DCDC1: variants seen among roughly 807,000 people sequenced by gnomAD.
DCDC1 encodes doublecortin domain containing 1.
A neutral mutation model predicts 178.3 loss-of-function variants in DCDC1; 200 were observed. That is an observed-to-expected ratio of 1.12 (90% CI 1.00 to 1.26). The LOEUF (loss-of-function observed/expected upper bound fraction) is 1.26, where lower values mean the gene tolerates loss of function less well. Ranked by LOEUF, DCDC1 falls within the 50% of genes most tolerant of loss-of-function variation. The pLI is 0.00. For synonymous variants in DCDC1, 690 were observed against 604.8 expected (o/e 1.14, Z -2.07); for missense variants, 1,983 against 1,749.2 (o/e 1.13, Z -2.38).
intron 25 of DCDC1, among the ~76,000 whole-genome samples, chr11:30,920,313 A>G (rs1369705821): frequency 6.6e-6 from 1 of 152,214 alleles, no homozygotes; most frequent in African/African-American, 2.4e-5. Context: ...TGTACATTAG[A>G]AAGTTAATTG....
At chr11:30,925,496 C>T (rs1485917482) in intron 22 of DCDC1, 88 bp from the exon 23 acceptor site, 1 of 1,149,668 alleles carries the variant, frequency 8.7e-7, no homozygotes, top group East Asian at 2.3e-5. Context: ...GGGCCTGAAT[C>T]CATAATGACA....
intron 10 of DCDC1, among the ~76,000 whole-genome samples, chr11:31,130,335 T>A (rs564785046): frequency 6.6e-6 from 1 of 152,226 alleles, no homozygotes; most frequent in Admixed American, 6.5e-5. Flanking sequence ...AGAATTCCTA[T>A]GTGATTTGCT....
chr11:31,347,585 A>C (rs1212500220), intron 1 of DCDC1, among the ~76,000 whole-genome samples: 1 of 152,192 alleles, frequency 6.6e-6, no homozygotes, highest in Non-Finnish European at 1.5e-5. Context: ...AAATAGGTTG[A>C]CACTCTTATA....
intron 10 of DCDC1, among the ~76,000 whole-genome samples, chr11:31,133,027 A>G (rs1962647176): frequency 6.6e-6 from 1 of 152,258 alleles, no homozygotes; most frequent in African/African-American, 2.4e-5. Flanking sequence ...CTTTGAATTC[A>G]ATTAAATTCT....
chr11:31,138,835 T>A (rs139383276), intron 9 of DCDC1, among the ~76,000 whole-genome samples: 2 of 152,184 alleles, frequency 1.3e-5, no homozygotes, highest in Non-Finnish European at 2.9e-5. Context: ...GATGTGCATA[T>A]ATACTAGAAT....
At chr11:31,106,332 T>C (rs1958840444) in intron 13 of DCDC1, among the ~76,000 whole-genome samples, 2 of 152,204 alleles carry the variant, frequency 1.3e-5, no homozygotes, top group African/African-American at 2.4e-5. Flanking sequence ...AGAGAGATAG[T>C]GGGGAATCAT....
At chr11:31,014,951 T>C (rs1016466972) in intron 20 of DCDC1, among the ~76,000 whole-genome samples, 3 of 139,814 alleles carry the variant, frequency 2.1e-5, no homozygotes, top group Non-Finnish European at 3.1e-5. Flanking sequence ...TCTCCTTTTC[T>C]TTTTTTTTTT....
At chr11:31,019,320 G>A (rs1195273238) in intron 20 of DCDC1, among the ~76,000 whole-genome samples, 1 of 152,196 alleles carries the variant, frequency 6.6e-6, no homozygotes, top group Non-Finnish European at 1.5e-5. Flanking sequence ...GCGCCAAAAT[G>A]AGGCAGGGCA....
intron 1 of DCDC1, among the ~76,000 whole-genome samples, chr11:31,353,551 G>A (rs1951179932): frequency 1.3e-5 from 2 of 152,132 alleles, no homozygotes; most frequent in Non-Finnish European, 2.9e-5. Flanking sequence ...TTCAGTGTTC[G>A]TCAGAGTGCA....
chr11:30,945,699 T>TCTAC (rs1378753775), intron 21 of DCDC1, among the ~76,000 whole-genome samples: 14 of 24,744 alleles, frequency 5.7e-4, no homozygotes, highest in African/African-American at 1.1e-3. Flanking sequence ...ATCTCAAAAA[T>TCTAC]CTATCTATCT....
intron 3 of DCDC1, among the ~76,000 whole-genome samples, chr11:31,315,538 G>A (rs1426618513): frequency 1.3e-5 from 2 of 150,698 alleles, no homozygotes; most frequent in Non-Finnish European, 3.0e-5. Context: ...GGGTTTCACC[G>A]TGTTAGCCAG....
chr11:31,289,253 T>C (rs945677899), intron 7 of DCDC1, among the ~76,000 whole-genome samples: 6 of 151,970 alleles, frequency 3.9e-5, no homozygotes, highest in Non-Finnish European at 5.9e-5. Context: ...ACTCAAGAGG[T>C]TATCTAACAT....
chr11:31,266,782 C>T (rs1470591280), intron 7 of DCDC1, among the ~76,000 whole-genome samples: 1 of 152,142 alleles, frequency 6.6e-6, no homozygotes, highest in African/African-American at 2.4e-5. Context: ...AGCTTTGTGA[C>T]AATGTATGTA....
intron 20 of DCDC1, among the ~76,000 whole-genome samples, chr11:30,988,820 T>C (rs1438971316): frequency 6.6e-6 from 1 of 152,168 alleles, no homozygotes; most frequent in Admixed American, 6.5e-5. Context: ...CCATGGGCCA[T>C]GGGTTGGACA....
At chr11:31,363,883 A>G (rs1951827052) in intron 1 of DCDC1, among the ~76,000 whole-genome samples, 2 of 152,326 alleles carry the variant, frequency 1.3e-5, no homozygotes, top group South Asian at 4.1e-4. Flanking sequence ...GGTTTGATTA[A>G]CAATTTTTTG....
intron 17 of DCDC1, among the ~76,000 whole-genome samples, chr11:31,082,253 A>G (rs1445466676): frequency 6.6e-6 from 1 of 152,100 alleles, no homozygotes; most frequent in Non-Finnish European, 1.5e-5. Context: ...TAGACATATG[A>G]CCTTTAGTAG....
chr11:30,993,236 A>ACTT (rs1473243007), intron 20 of DCDC1, among the ~76,000 whole-genome samples: 6 of 152,144 alleles, frequency 3.9e-5, no homozygotes, highest in African/African-American at 1.4e-4. Flanking sequence ...GAAATAAAAT[A>ACTT]CTTTTAATTT....
At chr11:31,060,541 A>G (rs1217070086) in intron 20 of DCDC1, among the ~76,000 whole-genome samples, 1 of 152,138 alleles carries the variant, frequency 6.6e-6, no homozygotes, top group Admixed American at 6.6e-5. Context: ...TTTTTAGATA[A>G]AAGTTTATTT....
intron 9 of DCDC1, among the ~76,000 whole-genome samples, chr11:31,226,236 T>A (rs1974933564): frequency 6.6e-6 from 1 of 151,814 alleles, no homozygotes; most frequent in African/African-American, 2.4e-5. Flanking sequence ...GCCTGGTGGC[T>A]ATCACAGAAA....
Sources: allele counts gnomAD v4.1 joint callset (sites outside exome capture counted in the v4.1 genomes callset), GRCh38; gene constraint gnomAD v4.1.1; transcripts MANE v1.5; gene names NCBI Gene and HGNC (gene_info 2026-07-23, HGNC 2026-07-21).